BRWD3: variants seen among roughly 807,000 people sequenced by gnomAD.
The protein encoded by BRWD3 is bromodomain and WD repeat domain containing 3.
A neutral mutation model predicts 149.7 loss-of-function variants in BRWD3; 10 were observed. That is an observed-to-expected ratio of 0.07 (90% CI 0.04 to 0.11). The LOEUF (loss-of-function observed/expected upper bound fraction) is 0.11. BRWD3 is among the 10% of genes least tolerant of loss of function. The probability of loss-of-function intolerance (pLI) is 1.00; values close to 1 mark genes in which losing one functional copy is unlikely to be tolerated. For missense variants in BRWD3, 940 were observed against 1,373.2 expected, an observed-to-expected ratio of 0.68 and a Z score of 4.99; for synonymous variants, 504 against 456.7, an observed-to-expected ratio of 1.10 and a Z score of -1.32.
chrX:80,717,457 C>T, intron 19 of BRWD3, 116 bp downstream of exon 19: 1 of 710,269 alleles, frequency 1.4e-6, no homozygotes, highest in Admixed American at 2.6e-5. Context: ...AAAACTAATG[C>T]ATGACTAAAC....
intron 24 of BRWD3, 130 bp from the exon 25 acceptor site, chrX:80,700,194 AT>A: frequency 1.9e-6 from 1 of 521,141 alleles, no homozygotes; most frequent in Non-Finnish European, 3.1e-6. Context: ...ACTTTATACA[AT>A]AAAGGTTTCA....
chrX:80,787,239 A>T (rs1438345048), intron 6 of BRWD3, among the ~76,000 whole-genome samples: 2 of 111,685 alleles, frequency 1.8e-5, no homozygotes, highest in African/African-American at 6.5e-5. Context: ...AAAGAGCTAT[A>T]CTACGTTCCT....
At chrX:80,719,449 G>A in intron 18 of BRWD3, 40 bp downstream of exon 18, 1 of 1,111,201 alleles carries the variant, frequency 9.0e-7, no homozygotes, top group Non-Finnish European at 1.2e-6. Flanking sequence ...AATAATTACA[G>A]TACATAAACT....
intron 6 of BRWD3, among the ~76,000 whole-genome samples, chrX:80,754,985 G>A (rs2073720437): frequency 9.0e-6 from 1 of 111,118 alleles, no homozygotes; most frequent in Non-Finnish European, 1.9e-5. Flanking sequence ...TCCAGCCTGG[G>A]CAACAGAGCG....
At chrX:80,726,064 C>T (rs2073231016) in intron 14 of BRWD3, among the ~76,000 whole-genome samples, 1 of 8,800 alleles carries the variant, frequency 1.1e-4, no homozygotes, top group Non-Finnish European at 1.9e-4. Context: ...TATAACACAA[C>T]ATGTTTACAT....
At chrX:80,748,669 C>T (rs980510227) in intron 6 of BRWD3, among the ~76,000 whole-genome samples, 1 of 110,030 alleles carries the variant, frequency 9.1e-6, no homozygotes, top group Admixed American at 9.7e-5. Context: ...TATTGTTTAC[C>T]TTTTTAACAA....
intron 24 of BRWD3, 87 bp downstream of exon 24, chrX:80,703,393 G>A (rs2072818327): frequency 3.6e-6 from 2 of 556,661 alleles, no homozygotes; most frequent in Non-Finnish European, 5.9e-6. Flanking sequence ...TTATTATAAT[G>A]GAATTAGGAA....
intron 17 of BRWD3, among the ~76,000 whole-genome samples, chrX:80,721,876 T>A (rs762229223): frequency 9.0e-4 from 101 of 111,732 alleles, no homozygotes; most frequent in Non-Finnish European, 4.9e-4. Flanking sequence ...GACAAGAGTC[T>A]CACTCTGTCG....
chrX:80,764,472 A>AT (rs58148585), intron 6 of BRWD3, among the ~76,000 whole-genome samples: 9,091 of 100,854 alleles, frequency 0.09, 895 homozygotes, highest in African/African-American at 0.27. Context: ...CGCCTGGATA[A>AT]TTTTTTTTTT....
intron 22 of BRWD3, 107 bp downstream of exon 22, chrX:80,707,320 A>C (rs2072880781): frequency 1.3e-6 from 1 of 754,674 alleles, no homozygotes; most frequent in African/African-American, 2.1e-5. Flanking sequence ...TACCTTTTCT[A>C]CTATAAAACA....
intron 4 of BRWD3, among the ~76,000 whole-genome samples, chrX:80,805,060 A>G (rs190253011): frequency 2.7e-5 from 3 of 112,154 alleles, no homozygotes; most frequent in Non-Finnish European, 5.6e-5. Flanking sequence ...GGATACGTCA[A>G]TACTTAACTG....
chrX:80,753,459 C>T, intron 6 of BRWD3, among the ~76,000 whole-genome samples: 1 of 109,767 alleles, frequency 9.1e-6, no homozygotes, highest in Non-Finnish European at 1.9e-5. Context: ...TAAGTAGAGA[C>T]AGGCTTTTGC....
chrX:80,704,067 T>C, intron 23 of BRWD3, among the ~76,000 whole-genome samples: 1 of 110,895 alleles, frequency 9.0e-6, no homozygotes, highest in Non-Finnish European at 1.9e-5. Context: ...TGGGATGAAA[T>C]AAAAACATAA....
chrX:80,808,621 G>T, intron 3 of BRWD3, 23 bp from the exon 4 acceptor site: 1 of 1,197,621 alleles, frequency 8.3e-7, no homozygotes, highest in Non-Finnish European at 1.1e-6. Context: ...CGAAAAGAAA[G>T]GGGGAAGCGG....
At chrX:80,789,889 G>C (rs1167997314) in intron 6 of BRWD3, among the ~76,000 whole-genome samples, 1 of 105,984 alleles carries the variant, frequency 9.4e-6, no homozygotes, top group African/African-American at 3.5e-5. Flanking sequence ...CTTTCAAGAG[G>C]ATATACCAGG....
At chrX:80,738,045 A>G (rs1376412824) in intron 8 of BRWD3, among the ~76,000 whole-genome samples, 1 of 112,475 alleles carries the variant, frequency 8.9e-6, no homozygotes, top group African/African-American at 3.2e-5. Context: ...AATATTTACT[A>G]TCTGGCCTGT....
intron 6 of BRWD3, among the ~76,000 whole-genome samples, chrX:80,785,680 G>A (rs188283493): frequency 5.4e-5 from 6 of 112,022 alleles, no homozygotes; most frequent in East Asian, 5.6e-4. Context: ...AAAGTGAGTC[G>A]CTAAAATCAA....
At chrX:80,736,223 G>A (rs2073402317) in intron 8 of BRWD3, 135 bp from the exon 9 acceptor site, 1 of 409,929 alleles carries the variant, frequency 2.4e-6, no homozygotes, top group Non-Finnish European at 4.2e-6. Context: ...TTGTTTCAAG[G>A]GACTATTTAA....
At chrX:80,742,624 G>A (rs2073530977) in intron 8 of BRWD3, among the ~76,000 whole-genome samples, 1 of 110,087 alleles carries the variant, frequency 9.1e-6, no homozygotes, top group Non-Finnish European at 1.9e-5. Flanking sequence ...TCCCTTGTAA[G>A]TTGGATTCCT....
Sources: allele counts gnomAD v4.1 joint callset (sites outside exome capture counted in the v4.1 genomes callset), GRCh38; gene constraint gnomAD v4.1.1; transcripts MANE v1.5; gene names NCBI Gene and HGNC (gene_info 2026-07-23, HGNC 2026-07-21).